Variants in PPARGC1B observed in about 807,000 individuals in gnomAD.
PPARGC1B encodes the protein peroxisome proliferator-activated receptor gamma coactivator 1-beta.
PPARGC1B carries 34 observed loss-of-function variants against 101.6 expected under a neutral mutation model. The ratio of observed to expected loss-of-function variants is 0.33; its 90% CI spans 0.25 to 0.45. The LOEUF is 0.45. Ranked by LOEUF, PPARGC1B falls within the 20% of genes least tolerant of loss-of-function variation. The probability of loss-of-function intolerance (pLI) is 1.00; values close to 1 mark genes in which losing one functional copy is unlikely to be tolerated. For missense variants in PPARGC1B, 1,234 were observed against 1,317.6 expected (o/e 0.94, Z 0.98); for synonymous variants, 548 against 539.3 (o/e 1.02, Z -0.22).
chr5:149,790,567 A>G (rs60377344), intron 1 of PPARGC1B, among the ~76,000 whole-genome samples: 1 of 152,118 alleles, frequency 6.6e-6, no homozygotes, highest in Non-Finnish European at 1.5e-5. Flanking sequence ...TTATAATACT[A>G]GGAGCACAAT....
At chr5:149,766,992 G>T (rs187685397) in intron 1 of PPARGC1B, among the ~76,000 whole-genome samples, 154 of 152,304 alleles carry the variant, frequency 1.0e-3, no homozygotes, top group African/African-American at 3.5e-3. Flanking sequence ...CAGCTGACGA[G>T]GCTGTCGGAG....
Position 149,820,428 on chromosome 5 carries a change from C to T in PPARGC1B, c.79-5C>T. 1.2e-6 allele frequency: 2 copies of T among 1,613,216 alleles called. No homozygotes were observed. Among genetic ancestry groups the T allele is most frequent in the African/African-American group, 1.3e-5 (1 of 75,004 alleles). On this transcript the variant is annotated splice_region_variant and splice_polypyrimidine_tract_variant and intron_variant, in intron 1 of 11. Transcript: ENST00000309241. ...GATCCACCTCTTTCCTTCCTGTCTC[C>T]TCAGGGTGGAGGGTCCGGGGAGGAG...
intron 1 of PPARGC1B, among the ~76,000 whole-genome samples, chr5:149,757,278 A>G (rs529430808): frequency 6.7e-6 from 1 of 148,966 alleles, no homozygotes; most frequent in Admixed American, 7.0e-5. Context: ...CATTCGTCAT[A>G]AAGTACACAA....
In PPARGC1B at chr5:149,835,958, CTT is replaced by C. The variant is rs1202446844; in HGVS notation, c.1808-289_1808-288del. On this transcript the variant is annotated intron_variant, in intron 7 of 11. Transcript: ENST00000309241. ...TCCCAAACTAGGGTCTTTTTTTTTTCTTTTTTTTTTTTTTTTTGAGACATAGT... is the reference window on the plus strand; with the variant it reads ...TCCCAAACTAGGGTCTTTTTTTTTTCTTTTTTTTTTTTTTTGAGACATAGT... 7.0e-3 allele frequency among the ~76,000 whole-genome samples: 892 copies of C among 128,008 alleles called. 10 individuals are homozygous for C. The highest frequency in any genetic ancestry group is 0.023 in the African/African-American group (825 of 35,262). 84.0% of individuals were successfully genotyped at this position (128,008 alleles called of 152,430 possible). A position where few individuals can be genotyped will look rare whatever the true frequency, so the allele number is the denominator to read the frequency against.
At chr5:149,731,916 G>A (rs1043181847) in intron 1 of PPARGC1B, among the ~76,000 whole-genome samples, 1 of 152,110 alleles carries the variant, frequency 6.6e-6, no homozygotes, top group African/African-American at 2.4e-5. Context: ...GCGTAGGGGA[G>A]CCGCGGGGCC....
At chr5:149,771,934 T>C in intron 1 of PPARGC1B, 5 of 1,154,646 alleles carry the variant, frequency 4.3e-6, no homozygotes, top group Non-Finnish European at 5.9e-6. Flanking sequence ...TTTAGCATTC[T>C]GCTTTACATT....
intron 1 of PPARGC1B, among the ~76,000 whole-genome samples, chr5:149,779,343 G>A (rs1460717374): frequency 6.6e-6 from 1 of 152,176 alleles, no homozygotes; most frequent in African/African-American, 2.4e-5. Flanking sequence ...AATACAATGG[G>A]CACTTTGCGT....
At chr5:149,820,074 G>T (rs1758222970) in intron 1 of PPARGC1B, among the ~76,000 whole-genome samples, 1 of 152,136 alleles carries the variant, frequency 6.6e-6, no homozygotes, top group African/African-American at 2.4e-5. Flanking sequence ...GCTTTAAGAA[G>T]TCCACTTATA....
chr5:149,790,435 G>A (rs1048114508), intron 1 of PPARGC1B, among the ~76,000 whole-genome samples: 1 of 152,084 alleles, frequency 6.6e-6, no homozygotes, highest in South Asian at 2.1e-4. Flanking sequence ...TGTGCAGACA[G>A]GTCTGCAGTC....
rs1026056847 is a variant in PPARGC1B at position 149,730,968 on chromosome 5, A to G, written c.78+548A>G. Among the ~76,000 whole-genome samples the G allele has an allele frequency of 6.6e-6, 1 of 152,196 alleles. No homozygotes were observed. The highest frequency in any genetic ancestry group is 6.5e-5 in the Admixed American group (1 of 15,292). ...TTCCTGCCAGTTGCCGGCTAAAGGC[A>G]TAAGGGTCTGCGGGGCACGTGGACA... On this transcript the variant is annotated intron_variant, in intron 1 of 11. Coordinates refer to ENST00000309241, the MANE Select transcript of PPARGC1B (RefSeq NM_133263.4). This position sits in a 1 kb window ranked among gnomAD's most constrained non-coding sequence, Gnocchi z 4.0.
At chr5:149,763,369 G>A (rs191441104) in intron 1 of PPARGC1B, among the ~76,000 whole-genome samples, 21 of 152,264 alleles carry the variant, frequency 1.4e-4, no homozygotes, top group African/African-American at 4.3e-4. Context: ...GGGGCTGTTG[G>A]TCATGAAGAG....
intron 1 of PPARGC1B, among the ~76,000 whole-genome samples, chr5:149,778,063 T>TCACACACACACA (rs1219646323): frequency 1.7e-4 from 2 of 11,900 alleles, no homozygotes; most frequent in Non-Finnish European, 2.4e-4. Context: ...TAGCAGCATC[T>TCACACACACACA]CACACACACA....
At chr5:149,809,140 T>TAGAC (rs1343287227) in intron 1 of PPARGC1B, among the ~76,000 whole-genome samples, 25 of 131,502 alleles carry the variant, frequency 1.9e-4, no homozygotes, top group African/African-American at 6.5e-4. Context: ...GATAGATAGA[T>TAGAC]AGATAGATAG....
chr5:149,773,826 C>A (rs758964931), intron 1 of PPARGC1B, among the ~76,000 whole-genome samples: 1 of 152,068 alleles, frequency 6.6e-6, no homozygotes, highest in Non-Finnish European at 1.5e-5. Flanking sequence ...GTGCAAACTT[C>A]AGGAGGGAAC....
intron 1 of PPARGC1B, among the ~76,000 whole-genome samples, chr5:149,741,566 T>A (rs1023871693): frequency 6.6e-6 from 1 of 152,086 alleles, no homozygotes; most frequent in Non-Finnish European, 1.5e-5. Flanking sequence ...ATTTGTCAAA[T>A]ACTGTGTTTG....
At chr5:149,753,795 G>A (rs964721979) in intron 1 of PPARGC1B, among the ~76,000 whole-genome samples, 1 of 151,982 alleles carries the variant, frequency 6.6e-6, no homozygotes, top group African/African-American at 2.4e-5. Flanking sequence ...CCCACAACAA[G>A]CAATTCTCCT....
At chr5:149,797,253 A>G (rs745784193) in intron 1 of PPARGC1B, among the ~76,000 whole-genome samples, 7 of 152,332 alleles carry the variant, frequency 4.6e-5, no homozygotes, top group East Asian at 1.9e-4. Flanking sequence ...CTGTGTTACA[A>G]TGCTTTAAAC....
intron 1 of PPARGC1B, among the ~76,000 whole-genome samples, chr5:149,741,755 G>A (rs1754915720): frequency 6.6e-6 from 1 of 151,794 alleles, no homozygotes; most frequent in East Asian, 1.9e-4. Context: ...AGCCTCCCGA[G>A]TAGCTGGGAT....
rs527910540 is a variant in PPARGC1B, at chr5:149,842,284, A to G, written c.2723A>G (p.Asn908Ser). The stretch of plus-strand genomic sequence containing the variant: ...GAAGGCCGCGTGGTGTACATTCAAA[A>G]TCTCTCCAGCGACATGAGCTCCCGA... The part of the protein sequence containing the change: ...IGEGRVVYIQ[N>S]LSSDMSSREL... Residue 908 changes from asparagine to serine, a missense_variant, in exon 10 of 12, where the codon AAT becomes AGT. By Grantham distance (46) the Asn-to-Ser change is conservative (BLOSUM62 1). Coordinates refer to ENST00000309241, the MANE Select transcript of PPARGC1B (RefSeq NM_133263.4). 1.9e-6 allele frequency: 3 copies of G among 1,613,742 alleles called. No homozygotes were observed. Among genetic ancestry groups the G allele is most frequent in the East Asian group, 2.2e-5 (1 of 44,880 alleles).
Sources: gnomAD v4.1 joint callset for allele counts (sites outside exome capture counted in the v4.1 genomes callset) on GRCh38, gnomAD v4.1.1 for gene constraint, Gnocchi (gnomAD v3.1) non-coding constraint, MANE v1.5 for transcripts, NCBI Gene and HGNC (gene_info 2026-07-23, HGNC 2026-07-21) for gene names.